FHL5: variants seen among roughly 807,000 people sequenced by gnomAD.
The protein encoded by FHL5 is four and a half LIM domains protein 5.
Under a neutral mutation model 32.0 loss-of-function variants are expected in FHL5, and 33 were observed. That is an observed-to-expected ratio of 1.03 (90% confidence interval 0.78 to 1.38). FHL5 has a LOEUF of 1.38. FHL5 is among the 40% of genes most tolerant of loss of function. The pLI is 0.00. For synonymous variants in FHL5, 114 were observed against 113.6 expected (o/e 1.00, Z -0.02); for missense variants, 336 against 343.9 (o/e 0.98, Z 0.18).
chr6:96,615,940 G>T lies in FHL5; in HGVS notation c.*168G>T. 2.0e-6 allele frequency: 1 copy of T among 511,886 alleles called. No individual in the cohort carries two copies. The highest frequency in any genetic ancestry group is 3.3e-5 in the East Asian group (1 of 30,344). The allele number at this position is 511,886 out of a possible 1,614,324, so 31.7% of individuals were successfully genotyped here. A position where few individuals can be genotyped will look rare whatever the true frequency, so the allele number is the denominator to read the frequency against. ...GAACTATATTCTAAGCACACAAAAA[G>T]CACAGTAGAACAGAAATGAATATAT... On this transcript the variant is annotated 3_prime_UTR_variant, in exon 6 of 6. Transcript: ENST00000450218.
intron 1 of FHL5, among the ~76,000 whole-genome samples, chr6:96,594,685 G>A (rs768452205): frequency 6.5e-4 from 99 of 151,948 alleles, no homozygotes; most frequent in Non-Finnish European, 1.0e-3. Flanking sequence ...GGTTTAAAAT[G>A]TATCATATAT....
chr6:96,578,559 G>A (rs557886825), intron 1 of FHL5, among the ~76,000 whole-genome samples: 3 of 152,022 alleles, frequency 2.0e-5, no homozygotes, highest in Non-Finnish European at 4.4e-5. Context: ...AATTGATTTG[G>A]CACCACGCAC....
At chr6:96,574,727 A>G (rs1370684267) in intron 1 of FHL5, among the ~76,000 whole-genome samples, 1 of 152,202 alleles carries the variant, frequency 6.6e-6, no homozygotes, top group African/African-American at 2.4e-5. Flanking sequence ...TATGCTAAAT[A>G]GTTATTAAAT....
intron 2 of FHL5, among the ~76,000 whole-genome samples, chr6:96,604,019 A>G (rs1197726035): frequency 1.3e-5 from 2 of 152,170 alleles, no homozygotes; most frequent in Admixed American, 6.5e-5. Context: ...GGGTTAAGCT[A>G]TTTGTCCAAA....
intron 1 of FHL5, among the ~76,000 whole-genome samples, chr6:96,569,762 T>C (rs1303194868): frequency 2.0e-5 from 3 of 151,772 alleles, no homozygotes; most frequent in African/African-American, 7.3e-5. Flanking sequence ...TTCCATCCCT[T>C]ATTTTTATTC....
intron 1 of FHL5, among the ~76,000 whole-genome samples, chr6:96,583,664 T>G (rs1280008560): frequency 6.6e-6 from 1 of 152,116 alleles, no homozygotes; most frequent in Admixed American, 6.6e-5. Flanking sequence ...CCACCTACTT[T>G]TGCTGTTTCT....
intron 1 of FHL5, among the ~76,000 whole-genome samples, chr6:96,566,459 A>C (rs1770359705): frequency 1.3e-5 from 2 of 152,090 alleles, no homozygotes; most frequent in Non-Finnish European, 2.9e-5. Context: ...GCTGCAATAA[A>C]CATGGGAATA....
rs1332721036 is a variant in FHL5, at chr6:96,618,173, T to C, written c.*2401T>C. 6.6e-6 allele frequency among the ~76,000 whole-genome samples: 1 copy of C among 152,256 alleles called. No homozygotes were observed. On this transcript the variant is annotated 3_prime_UTR_variant, in exon 6 of 6. Coordinates refer to ENST00000450218, the MANE Select transcript of FHL5 (RefSeq NM_001322466.2). The stretch of plus-strand genomic sequence containing the variant: ...CACAAAGATAAATGTAAAAATTATA[T>C]AGTTGATTTATATGGTTTATGTAAC...
At chr6:96,593,457 C>T (rs541110808) in intron 1 of FHL5, among the ~76,000 whole-genome samples, 1 of 152,180 alleles carries the variant, frequency 6.6e-6, no homozygotes, top group Non-Finnish European at 1.5e-5. Context: ...CCTAGGGATA[C>T]CAGAATTCCA....
chr6:96,616,937 C>CTA lies in FHL5; in HGVS notation c.*1165_*1166insTA. On this transcript the variant is annotated 3_prime_UTR_variant, in exon 6 of 6. Coordinates refer to ENST00000450218, the MANE Select transcript of FHL5 (RefSeq NM_001322466.2). The stretch of plus-strand genomic sequence containing the variant: ...CTTCCCCCACACCTGTGCCACACCC[C>CTA]CCTTACCCCAAGCCAGTTGTGCCCC... Among the ~76,000 whole-genome samples the CTA allele has an allele frequency of 6.6e-6, 1 of 151,564 alleles. No individual in the cohort carries two copies. The highest frequency in any genetic ancestry group is 1.9e-4 in the East Asian group (1 of 5,140).
rs747254218 is a variant in FHL5 at position 96,605,980 on chromosome 6, G to A, written c.413G>A (p.Gly138Glu). ...FVCENCRQPI[G>E]TKPLISKESG... ...TGTGAGAATTGCCGACAACCTATAGGGACAAAGCCTTTGATCTCCAAAGAG... is the reference window on the plus strand; with the variant it reads ...TGTGAGAATTGCCGACAACCTATAGAGACAAAGCCTTTGATCTCCAAAGAG... The change falls in exon 4 of 6, where the codon GGG becomes GAG. Residue 138 changes from glycine to glutamate, a missense_variant. Coordinates refer to ENST00000450218, the MANE Select transcript of FHL5 (RefSeq NM_001322466.2). 4 of 1,613,848 alleles carry A rather than the reference G, an allele frequency of 2.5e-6. No individual in the cohort carries two copies. Among genetic ancestry groups the A allele is most frequent in the African/African-American group, 2.7e-5 (2 of 74,874 alleles).
At chr6:96,597,876 A>G (rs1771067744) in intron 1 of FHL5, among the ~76,000 whole-genome samples, 1 of 152,114 alleles carries the variant, frequency 6.6e-6, no homozygotes. Context: ...TAGACCTAGC[A>G]TTTTTATCAG....
In FHL5 at chr6:96,563,153, G is replaced by C. The variant is rs761358473; in HGVS notation, c.-215G>C. 1.9e-4 allele frequency: 29 copies of C among 152,118 alleles called. No individual in the cohort carries two copies. The highest frequency in any genetic ancestry group is 3.7e-4 in the Non-Finnish European group (25 of 68,018). 9.4% of individuals were successfully genotyped at this position (152,118 alleles called of 1,614,324 possible). A position where few individuals can be genotyped will look rare whatever the true frequency, so the allele number is the denominator to read the frequency against. ...AGTAGGAGTCATGTACACGGTATAA[G>C]ACTTGGAGGAAATGCAGGGACCCTT... On this transcript the variant is annotated 5_prime_UTR_variant, in exon 1 of 6. Coordinates refer to ENST00000450218, the MANE Select transcript of FHL5 (RefSeq NM_001322466.2).
Position 96,603,774 on chromosome 6 carries a change from T to C in FHL5, c.159+2T>C. The C allele has an allele frequency of 6.2e-7, 1 of 1,605,790 alleles. No individual in the cohort carries two copies. The highest frequency in any genetic ancestry group is 1.1e-5 in the South Asian group (1 of 89,754). ...AAACCAATTGAATCTGATTCTAAGG[T>C]AAGTCTCACCTCAATTTACAGAATT... On this transcript the variant is annotated splice_donor_variant, in intron 2 of 5. Coordinates refer to ENST00000450218, the MANE Select transcript of FHL5 (RefSeq NM_001322466.2). LOFTEE classifies it high-confidence loss of function.
At chr6:96,585,477 T>C (rs1770778536) in intron 1 of FHL5, among the ~76,000 whole-genome samples, 2 of 152,116 alleles carry the variant, frequency 1.3e-5, no homozygotes, top group Non-Finnish European at 1.5e-5. Flanking sequence ...AGTGCACTTT[T>C]GCTTATATGC....
chr6:96,602,805 G>A (rs1197783397), intron 1 of FHL5, among the ~76,000 whole-genome samples: 2 of 152,122 alleles, frequency 1.3e-5, no homozygotes, highest in African/African-American at 4.8e-5. Context: ...AAAGCCTGAA[G>A]GAACCCATTG....
intron 1 of FHL5, among the ~76,000 whole-genome samples, chr6:96,564,976 G>A (rs971204161): frequency 6.6e-6 from 1 of 152,092 alleles, no homozygotes; most frequent in Non-Finnish European, 1.5e-5. Context: ...TCAGCTTGAG[G>A]CCAGGCACGG....
chr6:96,610,462 TC>T, intron 4 of FHL5, 109 bp from the exon 5 acceptor site: 17 of 781,798 alleles, frequency 2.2e-5, no homozygotes, highest in African/African-American at 3.4e-5. Flanking sequence ...CTTTTTTTTT[TC>T]TTTTTGCTTC....
chr6:96,612,583 G>C (rs953419328), intron 5 of FHL5, among the ~76,000 whole-genome samples: 3 of 151,948 alleles, frequency 2.0e-5, no homozygotes, highest in African/African-American at 7.3e-5. Context: ...TTTTAAAGTT[G>C]AGATGGAAAA....
Sources: gnomAD v4.1 joint callset for allele counts (sites outside exome capture counted in the v4.1 genomes callset) on GRCh38, gnomAD v4.1.1 for gene constraint, MANE v1.5 for transcripts, NCBI Gene and HGNC (gene_info 2026-07-23, HGNC 2026-07-21) for gene names.